Variants in GLI2 observed in about 807,000 individuals in gnomAD.
GLI2 encodes the protein transcription activator GLI2.
Under a neutral mutation model 78.9 loss-of-function variants are expected in GLI2, and 22 were observed. That is an observed-to-expected ratio of 0.28 (90% CI 0.20 to 0.40). The LOEUF is 0.40. GLI2 is among the 10% of genes least tolerant of loss of function. The pLI, the probability that GLI2 is intolerant of heterozygous loss-of-function variation, is 1.00. For synonymous variants in GLI2, 974 were observed against 963.7 expected (o/e 1.01, Z -0.20); for missense variants, 2,097 against 2,213.2 (o/e 0.95, Z 1.05).
chr2:120,862,139 T>C (rs1287304148), intron 2 of GLI2, among the ~76,000 whole-genome samples: 2 of 152,110 alleles, frequency 1.3e-5, no homozygotes, highest in East Asian at 3.9e-4. Context: ...TGACAGGCTA[T>C]GTAATGGTGA....
chr2:120,956,100 T>C (rs189039694), intron 5 of GLI2, among the ~76,000 whole-genome samples: 1 of 151,784 alleles, frequency 6.6e-6, no homozygotes, highest in Admixed American at 6.6e-5. Flanking sequence ...CGTGCTGATG[T>C]GAGAATTGAT....
At chr2:120,786,762 C>T (rs1481264171) in intron 1 of GLI2, among the ~76,000 whole-genome samples, 1 of 152,132 alleles carries the variant, frequency 6.6e-6, no homozygotes, top group African/African-American at 2.4e-5. Context: ...CTGCAGCAGA[C>T]ATTAGAAGTC....
chr2:120,955,472 TCTC>T, intron 5 of GLI2, 42 bp downstream of exon 5: 2 of 1,284,166 alleles, frequency 1.6e-6, no homozygotes, highest in Non-Finnish European at 1.1e-6. Flanking sequence ...GGCTAGCAGA[TCTC>T]CTCTTGAGGC....
intron 2 of GLI2, among the ~76,000 whole-genome samples, chr2:120,832,002 G>A (rs535324723): frequency 4.6e-5 from 7 of 152,336 alleles, no homozygotes; most frequent in South Asian, 2.1e-4. Flanking sequence ...ACCACAAGGC[G>A]GGGTGGTTCT....
In GLI2 at chr2:120,735,889, C is replaced by G. The variant is rs984781369; in HGVS notation, c.-427C>G. ...CGGCGCTGATGGATTGCAGAAGTGC[C>G]GGCGCTTGCCAGCCGAGGCAGCACG... On this transcript the variant is annotated 5_prime_UTR_variant, in exon 1 of 14. Coordinates refer to ENST00000361492, the MANE Select transcript of GLI2 (RefSeq NM_001374353.1). Among the ~76,000 whole-genome samples the G allele has an allele frequency of 6.6e-6, 1 of 151,912 alleles. No homozygotes were observed. Among genetic ancestry groups the G allele is most frequent in the Non-Finnish European group, 1.5e-5 (1 of 67,950 alleles).
At chr2:120,972,248 C>T (rs937598533) in intron 8 of GLI2, among the ~76,000 whole-genome samples, 185 bp downstream of exon 8, 1 of 152,246 alleles carries the variant, frequency 6.6e-6, no homozygotes, top group South Asian at 2.1e-4. Flanking sequence ...TCCCAGCACC[C>T]TGGACATACT....
intron 2 of GLI2, among the ~76,000 whole-genome samples, chr2:120,809,090 G>A (rs543028069): frequency 2.6e-5 from 4 of 152,294 alleles, no homozygotes; most frequent in South Asian, 4.1e-4. Context: ...TGTTAGTTAC[G>A]ATAGTCCCAA....
chr2:120,933,900 G>A (rs1404694471), intron 3 of GLI2, among the ~76,000 whole-genome samples: 1 of 142,954 alleles, frequency 7.0e-6, no homozygotes, highest in African/African-American at 2.5e-5. Flanking sequence ...TGGGGCTTCA[G>A]AGAAGACCAA....
At chr2:120,932,463 G>T (rs1323541479) in intron 3 of GLI2, among the ~76,000 whole-genome samples, 1 of 152,102 alleles carries the variant, frequency 6.6e-6, no homozygotes, top group Non-Finnish European at 1.5e-5. Context: ...CTCTCATTCT[G>T]CCCTGCCCTC....
rs990844161 is a variant in GLI2, at chr2:120,787,935, G to A, written c.-30-9356G>A. Among the ~76,000 whole-genome samples, 7 of 152,262 alleles carry A rather than the reference G, an allele frequency of 4.6e-5. No individual in the cohort carries two copies. The South Asian group carries it at 1.2e-3, about 27-fold the overall frequency. Reference sequence around the variant, plus strand: ...AGACTGTAGAGGCGCTGGCACCAGGGTGGGTGGAGGAGGATGCCTGGATGG... The same window carrying A: ...AGACTGTAGAGGCGCTGGCACCAGGATGGGTGGAGGAGGATGCCTGGATGG... On this transcript the variant is annotated intron_variant, in intron 1 of 13. Transcript: ENST00000361492.
At chr2:120,876,112 C>T (rs1187002661) in intron 2 of GLI2, among the ~76,000 whole-genome samples, 1 of 152,120 alleles carries the variant, frequency 6.6e-6, no homozygotes, top group African/African-American at 2.4e-5. Context: ...GAGGCCTAGG[C>T]GGGCAGATCA....
chr2:120,835,077 C>G (rs1296383491), intron 2 of GLI2, among the ~76,000 whole-genome samples: 2 of 152,020 alleles, frequency 1.3e-5, no homozygotes, highest in East Asian at 3.8e-4. Context: ...ACACACCAAA[C>G]TGAAAAAAAG....
At chr2:120,978,994 G>GT (rs2105053001) in intron 10 of GLI2, among the ~76,000 whole-genome samples, 1 of 152,226 alleles carries the variant, frequency 6.6e-6, no homozygotes, top group East Asian at 1.9e-4. Flanking sequence ...AATGGTTGAG[G>GT]GTTTTTTTGT....
chr2:120,947,140 C>G (rs1393477127), intron 3 of GLI2, among the ~76,000 whole-genome samples: 4 of 152,142 alleles, frequency 2.6e-5, no homozygotes, highest in East Asian at 1.9e-4. Flanking sequence ...GGTACTGCCC[C>G]CTCCCTTATC....
intron 5 of GLI2, among the ~76,000 whole-genome samples, chr2:120,956,122 A>G (rs529160077): frequency 8.5e-5 from 13 of 152,266 alleles, no homozygotes; most frequent in African/African-American, 2.9e-4. Context: ...TGGGGGCAAG[A>G]CGGAGGCAGG....
intron 1 of GLI2, among the ~76,000 whole-genome samples, chr2:120,751,860 A>C (rs1278900611): frequency 1.3e-5 from 2 of 152,224 alleles, no homozygotes; most frequent in African/African-American, 4.8e-5. Context: ...TTCTTGATCA[A>C]AGGTGAGATC....
At chr2:120,804,462 T>C (rs1274142883) in intron 2 of GLI2, among the ~76,000 whole-genome samples, 1 of 152,220 alleles carries the variant, frequency 6.6e-6, no homozygotes, top group African/African-American at 2.4e-5. Flanking sequence ...TAAGGGTCAG[T>C]TGAGGCTGGC....
intron 2 of GLI2, among the ~76,000 whole-genome samples, chr2:120,895,410 A>G (rs1401692472): frequency 2.0e-5 from 3 of 152,172 alleles, no homozygotes; most frequent in Admixed American, 2.0e-4. Context: ...TAAAAAATAC[A>G]TACTTCTCAG....
At chr2:120,753,221 A>G (rs1441592322) in intron 1 of GLI2, among the ~76,000 whole-genome samples, 4 of 150,854 alleles carry the variant, frequency 2.7e-5, no homozygotes, top group Middle Eastern at 3.4e-3. Context: ...TCAGCCTCCC[A>G]AGTAGCTGGG....
Sources: allele counts gnomAD v4.1 joint callset (sites outside exome capture counted in the v4.1 genomes callset), GRCh38; gene constraint gnomAD v4.1.1; transcripts MANE v1.5; gene names NCBI Gene and HGNC (gene_info 2026-07-23, HGNC 2026-07-21).